The following FRMD4B variants were observed in gnomAD, a reference collection of about 807,000 sequenced individuals.
FRMD4B encodes FERM domain containing 4B, also known as FERM domain-containing protein 4B.
FRMD4B carries 74 observed loss-of-function variants against 141.5 expected under a neutral mutation model. The observed-to-expected ratio is 0.52, with a 90% CI of 0.43 to 0.63. The LOEUF (loss-of-function observed/expected upper bound fraction) is 0.63, where lower values mean the gene tolerates loss of function less well. Ranked by LOEUF, FRMD4B falls within the 30% of genes least tolerant of loss-of-function variation. The probability of loss-of-function intolerance (pLI) is 0.00; values close to 1 mark genes in which losing one functional copy is unlikely to be tolerated. For synonymous variants in FRMD4B, 506 were observed against 467.9 expected (o/e 1.08, Z -1.05); for missense variants, 1,366 against 1,253.4 (o/e 1.09, Z -1.36).
chr3:69,288,395 T>G (rs967941523), intron 4 of FRMD4B, among the ~76,000 whole-genome samples: 6 of 152,264 alleles, frequency 3.9e-5, no homozygotes, highest in African/African-American at 1.4e-4. Flanking sequence ...GGTTTTCCTT[T>G]GGCTCAAAGC....
upstream of FRMD4B, among the ~76,000 whole-genome samples, chr3:69,388,960 ATTAAG>A (rs1021836435): frequency 5.9e-5 from 9 of 151,670 alleles, no homozygotes; most frequent in African/African-American, 2.2e-4. Flanking sequence ...CATTGTACCT[ATTAAG>A]TTATTTCTCA....
intron 1 of FRMD4B, among the ~76,000 whole-genome samples, chr3:69,541,624 T>C (rs1398392566): frequency 6.6e-6 from 1 of 152,162 alleles, no homozygotes; most frequent in Non-Finnish European, 1.5e-5. Flanking sequence ...ATTATATTTA[T>C]TTTTTCCTCC....
At chr3:69,215,632 C>T (rs2093133173) in intron 11 of FRMD4B, among the ~76,000 whole-genome samples, 2 of 151,860 alleles carry the variant, frequency 1.3e-5, no homozygotes, top group Admixed American at 1.3e-4. Flanking sequence ...TTTTTCTCTA[C>T]AAAAAGCAGA....
chr3:69,492,773 C>G (rs1387753584), intron 1 of FRMD4B, among the ~76,000 whole-genome samples: 1 of 152,210 alleles, frequency 6.6e-6, no homozygotes, highest in Non-Finnish European at 1.5e-5. Flanking sequence ...GCAACCTAAC[C>G]TTCTAGCATG....
At chr3:69,178,376 G>A (rs1160961854) in intron 21 of FRMD4B, among the ~76,000 whole-genome samples, 1 of 152,134 alleles carries the variant, frequency 6.6e-6, no homozygotes, top group Non-Finnish European at 1.5e-5. Flanking sequence ...AGCCTTGGTG[G>A]TTAAGATGTT....
At chr3:69,374,181 C>T (rs1703907042) in intron 1 of FRMD4B, among the ~76,000 whole-genome samples, 1 of 152,114 alleles carries the variant, frequency 6.6e-6, no homozygotes, top group Admixed American at 6.5e-5. Context: ...ACTATTTCTC[C>T]ATCAATGTTA....
chr3:69,307,328 G>A (rs193143819), intron 3 of FRMD4B, among the ~76,000 whole-genome samples: 1 of 152,176 alleles, frequency 6.6e-6, no homozygotes, highest in African/African-American at 2.4e-5. Flanking sequence ...AATAACTGAA[G>A]GAAGTCATTC....
intron 1 of FRMD4B, among the ~76,000 whole-genome samples, chr3:69,493,608 C>T (rs62252324): frequency 0.12 from 17,893 of 152,116 alleles, 1,275 homozygotes; most frequent in Middle Eastern, 0.2. Flanking sequence ...TCTACACCAG[C>T]ACTCCATTTA....
At chr3:69,435,401 G>A (rs1421932071) in intron 1 of FRMD4B, among the ~76,000 whole-genome samples, 1 of 151,686 alleles carries the variant, frequency 6.6e-6, no homozygotes, top group Non-Finnish European at 1.5e-5. Flanking sequence ...ATAAACCTTG[G>A]TCATTATGGT....
At chr3:69,508,268 T>C (rs964158758) in intron 1 of FRMD4B, among the ~76,000 whole-genome samples, 1 of 152,252 alleles carries the variant, frequency 6.6e-6, no homozygotes, top group Non-Finnish European at 1.5e-5. Context: ...ACGAGGTTAA[T>C]ATCTAGTTGG....
chr3:69,424,023 T>C (rs918267150), intron 2 of FRMD4B, among the ~76,000 whole-genome samples: 1 of 152,152 alleles, frequency 6.6e-6, no homozygotes, highest in African/African-American at 2.4e-5. Context: ...TAAAAAAAAA[T>C]AATGTCTTAG....
intron 5 of FRMD4B, among the ~76,000 whole-genome samples, chr3:69,281,531 A>G (rs1247536746): frequency 6.6e-6 from 1 of 152,078 alleles, no homozygotes; most frequent in Non-Finnish European, 1.5e-5. Flanking sequence ...CATTTCATAC[A>G]TAAAATTTTG....
intron 22 of FRMD4B, among the ~76,000 whole-genome samples, chr3:69,173,789 T>C (rs1157628180): frequency 1.3e-5 from 2 of 152,208 alleles, no homozygotes. Flanking sequence ...TATTGGAATA[T>C]ATCCTAGGAA....
chr3:69,177,278 G>A (rs146375463), intron 21 of FRMD4B, among the ~76,000 whole-genome samples: 1 of 152,268 alleles, frequency 6.6e-6, no homozygotes, highest in Non-Finnish European at 1.5e-5. Context: ...AGTTTAAGTT[G>A]CAGTGAACCA....
At chr3:69,235,275 G>A (rs929856644) in intron 7 of FRMD4B, among the ~76,000 whole-genome samples, 1 of 151,924 alleles carries the variant, frequency 6.6e-6, no homozygotes, top group East Asian at 1.9e-4. Context: ...CTTTTGGGTG[G>A]ACAGCTCAGG....
chr3:69,329,372 C>G (rs1575735913), intron 1 of FRMD4B, among the ~76,000 whole-genome samples: 1 of 152,036 alleles, frequency 6.6e-6, no homozygotes, highest in South Asian at 2.1e-4. Context: ...TGTTTTGAGA[C>G]AGAGTCTCAT....
At chr3:69,485,769 C>G (rs1324280302) in intron 1 of FRMD4B, among the ~76,000 whole-genome samples, 1 of 152,202 alleles carries the variant, frequency 6.6e-6, no homozygotes, top group Non-Finnish European at 1.5e-5. Flanking sequence ...CCCAGAGCTC[C>G]CCTTCACCTG....
At chr3:69,340,939 T>A (rs1326237721) in intron 1 of FRMD4B, among the ~76,000 whole-genome samples, 1 of 151,814 alleles carries the variant, frequency 6.6e-6, no homozygotes, top group African/African-American at 2.4e-5. Context: ...TAAAATGGAG[T>A]TGTGTAATAA....
At chr3:69,498,547 G>A (rs1349598598) in intron 1 of FRMD4B, among the ~76,000 whole-genome samples, 1 of 152,072 alleles carries the variant, frequency 6.6e-6, no homozygotes, top group Non-Finnish European at 1.5e-5. Flanking sequence ...GTATTTTCTG[G>A]GAATTGTTGA....
Sources: gnomAD v4.1 joint callset for allele counts (sites outside exome capture counted in the v4.1 genomes callset) on GRCh38, gnomAD v4.1.1 for gene constraint, MANE v1.5 for transcripts, NCBI Gene and HGNC (gene_info 2026-07-23, HGNC 2026-07-21) for gene names.